Variants in PPP2CA observed in about 807,000 individuals in gnomAD.
PPP2CA encodes the protein protein phosphatase 2 catalytic subunit alpha.
In PPP2CA, 5 loss-of-function variants were observed where a neutral mutation model predicts 38.8. The ratio of observed to expected loss-of-function variants is 0.13; its 90% CI spans 0.07 to 0.27. The LOEUF is 0.27. Among genes scored for constraint, PPP2CA ranks in the 10% least tolerant of loss-of-function variants. The probability of loss-of-function intolerance (pLI) is 1.00; values close to 1 mark genes in which losing one functional copy is unlikely to be tolerated. For missense variants in PPP2CA, 88 were observed against 389.7 expected (o/e 0.23, Z 6.52); for synonymous variants, 152 against 134.0 (o/e 1.13, Z -0.93).
At chr5:134,225,691 C>T (rs1271507592) in intron 1 of PPP2CA, 69 bp downstream of exon 1, 3 of 1,474,232 alleles carry the variant, frequency 2.0e-6, no homozygotes. Context: ...GTTGCACCCT[C>T]CTCACGGCCG....
intron 1 of PPP2CA, among the ~76,000 whole-genome samples, chr5:134,221,695 C>A (rs1172824636): frequency 6.6e-6 from 1 of 151,980 alleles, no homozygotes; most frequent in Non-Finnish European, 1.5e-5. Flanking sequence ...CTTGGCCAGG[C>A]GCGCTGGCTC....
At chr5:134,200,199 CT>C in intron 5 of PPP2CA, 135 bp downstream of exon 5, 1 of 934,026 alleles carries the variant, frequency 1.1e-6, no homozygotes, top group Non-Finnish European at 1.5e-6. Flanking sequence ...ACTGAAAAGG[CT>C]CAGGCTATAA....
At chr5:134,218,813 C>T (rs2267937) in intron 1 of PPP2CA, among the ~76,000 whole-genome samples, 14,993 of 152,012 alleles carry the variant, frequency 0.099, 875 homozygotes, top group Admixed American at 0.16. Context: ...GGACTACAGG[C>T]GCCCACCACC....
chr5:134,220,974 G>A (rs778968826), intron 1 of PPP2CA, among the ~76,000 whole-genome samples: 1 of 152,204 alleles, frequency 6.6e-6, no homozygotes, highest in African/African-American at 2.4e-5. Flanking sequence ...TTTCTGAATA[G>A]TGGGAATGTT....
chr5:134,211,510 CTT>C (rs1460220110), intron 1 of PPP2CA, among the ~76,000 whole-genome samples: 6 of 145,120 alleles, frequency 4.1e-5, no homozygotes, highest in African/African-American at 1.5e-4. Context: ...GAGTTTCGCT[CTT>C]GTTGCGCGGG....
intron 1 of PPP2CA, among the ~76,000 whole-genome samples, chr5:134,210,976 G>A (rs986364520): frequency 1.3e-5 from 2 of 152,076 alleles, no homozygotes; most frequent in African/African-American, 2.4e-5. Context: ...AGAATGAGGC[G>A]ATTCTCTTAG....
chr5:134,207,371 C>T (rs1331817331), intron 1 of PPP2CA, among the ~76,000 whole-genome samples: 1 of 152,214 alleles, frequency 6.6e-6, no homozygotes, highest in African/African-American at 2.4e-5. Context: ...CATCACTGCA[C>T]TCCAGCCTGG....
At chr5:134,220,209 A>G (rs1762406310) in intron 1 of PPP2CA, among the ~76,000 whole-genome samples, 2 of 151,790 alleles carry the variant, frequency 1.3e-5, no homozygotes, top group Non-Finnish European at 2.9e-5. Flanking sequence ...CTGTAATCCT[A>G]GCACTTTGGG....
intron 1 of PPP2CA, among the ~76,000 whole-genome samples, chr5:134,217,541 G>T (rs946203239): frequency 2.6e-5 from 4 of 152,088 alleles, no homozygotes; most frequent in African/African-American, 7.2e-5. Flanking sequence ...TATCCCAAGA[G>T]AATTTCATTT....
Position 134,200,478 on chromosome 5 carries a change from G to A in PPP2CA, c.595C>T (p.Leu199=), listed in dbSNP as rs1489166816. 1 of 1,612,870 alleles carries A rather than the reference G, an allele frequency of 6.2e-7. No homozygotes were observed. Among genetic ancestry groups the A allele is most frequent in the African/African-American group, 1.3e-5 (1 of 74,954 alleles). ...VPHEGPMCDL[L]WSDPDDRGGW... is the part of the protein sequence containing the mutation. ...CCACGGTCATCTGGATCTGACCACA[G>A]CAAGTCACACATTGGACCCTAAAAA... The change falls in exon 5 of 7, where the codon CTG becomes TTG. Residue 199 remains leucine, a synonymous_variant. Coordinates refer to ENST00000481195, the MANE Select transcript of PPP2CA (RefSeq NM_002715.4).
chr5:134,225,711 C>T (rs753866066), intron 1 of PPP2CA, 49 bp downstream of exon 1: 7 of 1,559,624 alleles, frequency 4.5e-6, no homozygotes, highest in African/African-American at 1.4e-5. Flanking sequence ...GCCTTTTCCT[C>T]GGCGGGCTCG....
chr5:134,219,881 C>A (rs1762400306), intron 1 of PPP2CA, among the ~76,000 whole-genome samples: 1 of 151,608 alleles, frequency 6.6e-6, no homozygotes, highest in Non-Finnish European at 1.5e-5. Context: ...CATGGTGGCA[C>A]ATGCCTGTAA....
At chr5:134,209,114 G>C (rs955808986) in intron 1 of PPP2CA, among the ~76,000 whole-genome samples, 2 of 152,096 alleles carry the variant, frequency 1.3e-5, no homozygotes, top group African/African-American at 4.8e-5. Flanking sequence ...AAAATAAAAA[G>C]AACAGTTAAC....
chr5:134,217,791 A>G (rs1762353376), intron 1 of PPP2CA, among the ~76,000 whole-genome samples: 1 of 152,238 alleles, frequency 6.6e-6, no homozygotes, highest in South Asian at 2.1e-4. Flanking sequence ...GCAGGGATAC[A>G]TCAAATTATT....
chr5:134,223,280 C>T (rs1762484219), intron 1 of PPP2CA, among the ~76,000 whole-genome samples: 1 of 152,138 alleles, frequency 6.6e-6, no homozygotes, highest in Non-Finnish European at 1.5e-5. Context: ...GTAGCTTTCA[C>T]CCAGAGATGC....
At position 134,198,963 on chromosome 5, in the gene PPP2CA, CACTTCAGCCTAGGAG is replaced by C. The variant is rs1301285859; in HGVS notation, c.857+108_857+122del. The C allele has an allele frequency of 1.7e-5, 12 of 717,960 alleles. No homozygotes were observed. In the African/African-American group the frequency reaches 2.1e-4, roughly 13 times the overall value. The allele number at this position is 717,960 out of a possible 1,614,324, so 44.5% of individuals were successfully genotyped here. ...CTCTAGGAGGCCAAGGTGAAAGGATCACTTCAGCCTAGGAGTTCGAGACAAGACTGGGCAATATAG... is the reference window on the plus strand; with the variant it reads ...CTCTAGGAGGCCAAGGTGAAAGGATCTTCGAGACAAGACTGGGCAATATAG... On this transcript the variant is annotated intron_variant, in intron 6 of 6. Coordinates refer to ENST00000481195, the MANE Select transcript of PPP2CA (RefSeq NM_002715.4).
chr5:134,218,740 C>T (rs1286555784), intron 1 of PPP2CA, among the ~76,000 whole-genome samples: 1 of 151,418 alleles, frequency 6.6e-6, no homozygotes, highest in Non-Finnish European at 1.5e-5. Context: ...ACGATCTCGG[C>T]TCACTGCAAC....
At position 134,209,474 on chromosome 5, in the gene PPP2CA, T is replaced by C. The variant is rs762537421; in HGVS notation, c.103-3343A>G. Among the ~76,000 whole-genome samples the C allele has an allele frequency of 5.8e-4, 88 of 152,308 alleles. No homozygotes were observed. The Middle Eastern group carries it at 0.01, about 18-fold the overall frequency. The stretch of plus-strand genomic sequence containing the variant: ...GAACAATAAAAGCTACAGATGTTCA[T>C]ATAAAAGATCATTTTGGGCTGGGTG... On this transcript the variant is annotated intron_variant, in intron 1 of 6. Transcript: ENST00000481195.
rs372246230 is a variant in PPP2CA, at chr5:134,221,090, G to T, written c.102+4670C>A. Among the ~76,000 whole-genome samples, 6 of 152,246 alleles carry T rather than the reference G, an allele frequency of 3.9e-5. No homozygotes were observed. The East Asian group carries it at 1.2e-3, about 29-fold the overall frequency. The stretch of plus-strand genomic sequence containing the variant: ...CACACATGCATGACATTTGACTGTG[G>T]AAGCCAAGAGGATGAAAAGAGGCTT... On this transcript the variant is annotated intron_variant, in intron 1 of 6. Coordinates refer to ENST00000481195, the MANE Select transcript of PPP2CA (RefSeq NM_002715.4).
Sources: allele counts gnomAD v4.1 joint callset (sites outside exome capture counted in the v4.1 genomes callset), GRCh38; gene constraint gnomAD v4.1.1; transcripts MANE v1.5; gene names NCBI Gene and HGNC (gene_info 2026-07-23, HGNC 2026-07-21).